Variants in HS6ST1 observed in about 807,000 individuals in gnomAD.
HS6ST1 encodes heparan sulfate 6-O-sulfotransferase 1.
HS6ST1 carries 3 observed loss-of-function variants against 25.2 expected under a neutral mutation model. That is an observed-to-expected ratio of 0.12 (90% CI 0.05 to 0.31). The LOEUF (loss-of-function observed/expected upper bound fraction) is 0.31, where lower values mean the gene tolerates loss of function less well. HS6ST1 is among the 10% of genes least tolerant of loss of function. The pLI is 1.00. For synonymous variants in HS6ST1, 204 were observed against 275.1 expected, an observed-to-expected ratio of 0.74 and a Z score of 2.56; for missense variants, 310 against 609.6, an observed-to-expected ratio of 0.51 and a Z score of 5.18.
intron 1 of HS6ST1, among the ~76,000 whole-genome samples, chr2:128,296,322 G>A (rs1052656508): frequency 6.6e-6 from 1 of 152,210 alleles, no homozygotes; most frequent in Non-Finnish European, 1.5e-5. Context: ...GTCTACTTTT[G>A]CCACAGCTAT....
chr2:128,298,033 C>T (rs1694065735), intron 1 of HS6ST1, among the ~76,000 whole-genome samples: 1 of 145,938 alleles, frequency 6.9e-6, no homozygotes, highest in South Asian at 2.1e-4. Flanking sequence ...TAGACATTTC[C>T]CCAAAGAAGA....
intron 1 of HS6ST1, among the ~76,000 whole-genome samples, chr2:128,282,150 G>A (rs17794012): frequency 0.14 from 21,564 of 152,212 alleles, 1,750 homozygotes; most frequent in Non-Finnish European, 0.17. Context: ...TGGCCAGGGT[G>A]GTGTTTTCTG....
chr2:128,305,986 G>A (rs568674656), intron 1 of HS6ST1, among the ~76,000 whole-genome samples: 32 of 152,354 alleles, frequency 2.1e-4, no homozygotes, highest in Non-Finnish European at 3.5e-4. Flanking sequence ...ACTTGTCACT[G>A]GGAGGAGTTT....
At chr2:128,307,477 G>A (rs1036779135) in intron 1 of HS6ST1, among the ~76,000 whole-genome samples, 1 of 152,248 alleles carries the variant, frequency 6.6e-6, no homozygotes. Context: ...ACAGGCCCAA[G>A]TCCACACATG....
intron 1 of HS6ST1, among the ~76,000 whole-genome samples, chr2:128,291,926 G>A (rs1211483745): frequency 4.6e-5 from 7 of 152,194 alleles, no homozygotes; most frequent in Non-Finnish European, 7.3e-5. Flanking sequence ...CCCTGCTCAG[G>A]GCTGACAGGC....
intron 1 of HS6ST1, among the ~76,000 whole-genome samples, chr2:128,317,712 G>A (rs1482132206): frequency 1.3e-5 from 2 of 152,248 alleles, no homozygotes; most frequent in Non-Finnish European, 2.9e-5. Context: ...CAGACCTCAC[G>A]GCGCACAGCA....
At chr2:128,284,283 T>TC (rs1693828313) in intron 1 of HS6ST1, among the ~76,000 whole-genome samples, 1 of 151,380 alleles carries the variant, frequency 6.6e-6, no homozygotes, top group Non-Finnish European at 1.5e-5. Flanking sequence ...AGGCACCTGG[T>TC]CCCCTCATCC....
At chr2:128,308,378 C>T (rs552936867) in intron 1 of HS6ST1, among the ~76,000 whole-genome samples, 14 of 152,166 alleles carry the variant, frequency 9.2e-5, no homozygotes, top group African/African-American at 2.4e-4. Flanking sequence ...CCACTGCATC[C>T]GAGGAACAAG....
At chr2:128,296,258 ATTCAATGGTG>A (rs1188435702) in intron 1 of HS6ST1, among the ~76,000 whole-genome samples, 1 of 152,264 alleles carries the variant, frequency 6.6e-6, no homozygotes, top group Non-Finnish European at 1.5e-5. Flanking sequence ...TTAACATCAT[ATTCAATGGTG>A]AAACACCAAA....
intron 1 of HS6ST1, among the ~76,000 whole-genome samples, chr2:128,270,318 G>T (rs1483114898): frequency 6.6e-6 from 1 of 152,200 alleles, no homozygotes. Context: ...TCTCCAGGGG[G>T]CAGATAAGCT....
chr2:128,316,847 C>G (rs1344937812), intron 1 of HS6ST1, among the ~76,000 whole-genome samples: 4 of 152,102 alleles, frequency 2.6e-5, no homozygotes, highest in Non-Finnish European at 5.9e-5. Context: ...AGCAGTGTCT[C>G]GGACTCTGCT....
intron 1 of HS6ST1, among the ~76,000 whole-genome samples, chr2:128,270,924 C>A (rs1014182890): frequency 6.6e-6 from 1 of 152,222 alleles, no homozygotes; most frequent in African/African-American, 2.4e-5. Context: ...GCAGCAGGCC[C>A]CATCTGGGAA....
At chr2:128,301,880 CCAGA>C (rs1205077087) in intron 1 of HS6ST1, among the ~76,000 whole-genome samples, 1 of 152,174 alleles carries the variant, frequency 6.6e-6, no homozygotes, top group East Asian at 1.9e-4. Context: ...ATCACGGCTG[CCAGA>C]CAGTCAGGGA....
intron 1 of HS6ST1, among the ~76,000 whole-genome samples, chr2:128,270,577 C>T (rs1195990147): frequency 6.6e-6 from 1 of 152,194 alleles, no homozygotes; most frequent in Admixed American, 6.5e-5. Flanking sequence ...GGAGTAAGGG[C>T]CCGAGGCGGC....
chr2:128,314,944 G>A (rs1694340471), intron 1 of HS6ST1, among the ~76,000 whole-genome samples: 1 of 152,194 alleles, frequency 6.6e-6, no homozygotes, highest in South Asian at 2.1e-4. Context: ...AGAGGAAGGA[G>A]GGAGGTTCTG....
intron 1 of HS6ST1, among the ~76,000 whole-genome samples, chr2:128,293,307 C>A (rs1386357522): frequency 6.6e-6 from 1 of 152,232 alleles, no homozygotes; most frequent in African/African-American, 2.4e-5. Context: ...CAAGGGCCAG[C>A]CTGGGCCTGG....
intron 1 of HS6ST1, among the ~76,000 whole-genome samples, chr2:128,296,582 CAAG>C (rs1407169596): frequency 6.6e-6 from 1 of 152,048 alleles, no homozygotes; most frequent in East Asian, 1.9e-4. Context: ...ACAAACAATA[CAAG>C]AAGGAAATTA....
Position 128,268,300 on chromosome 2 carries a change from C to T in HS6ST1, c.1098G>A (p.Glu366=). 1 of 1,613,112 alleles carries T rather than the reference C, an allele frequency of 6.2e-7. No individual in the cohort carries two copies. The highest frequency in any genetic ancestry group is 8.5e-7 in the Non-Finnish European group (1 of 1,179,836). Residue 366 remains glutamate, a synonymous_variant, in exon 2 of 2, where the codon GAG becomes GAA. Transcript: ENST00000259241. ...QQRYQYKRQL[E]RREQRLRSRE... ...GGCTCCTCAGGCGCTGCTCCCTGCGCTCCAGCTGCCGCTTGTACTGGTAGC... is the reference window on the plus strand; with the variant it reads ...GGCTCCTCAGGCGCTGCTCCCTGCGTTCCAGCTGCCGCTTGTACTGGTAGC...
At chr2:128,315,862 C>A (rs555027403) in intron 1 of HS6ST1, among the ~76,000 whole-genome samples, 96 of 152,344 alleles carry the variant, frequency 6.3e-4, no homozygotes, top group Middle Eastern at 3.4e-3. Flanking sequence ...TGCAACAGAA[C>A]TGAAGGGAGT....
Sources: gnomAD v4.1 joint callset for allele counts (sites outside exome capture counted in the v4.1 genomes callset) on GRCh38, gnomAD v4.1.1 for gene constraint, MANE v1.5 for transcripts, NCBI Gene and HGNC (gene_info 2026-07-23, HGNC 2026-07-21) for gene names.